SLC10A7: variants seen among roughly 807,000 people sequenced by gnomAD.
SLC10A7 encodes the protein solute carrier family 10 member 7.
Under a neutral mutation model 43.2 loss-of-function variants are expected in SLC10A7, and 29 were observed. That is an observed-to-expected ratio of 0.67 (90% CI 0.50 to 0.92). The LOEUF (loss-of-function observed/expected upper bound fraction) is 0.92. SLC10A7 is among the 40% of genes least tolerant of loss of function. SLC10A7 has a pLI of 0.00. For missense variants in SLC10A7, 295 were observed against 403.2 expected (o/e 0.73, Z 2.30); for synonymous variants, 152 against 144.8 (o/e 1.05, Z -0.35).
chr4:146,336,000 A>T (rs1733871403), intron 5 of SLC10A7, among the ~76,000 whole-genome samples: 1 of 152,082 alleles, frequency 6.6e-6, no homozygotes, highest in Non-Finnish European at 1.5e-5. Context: ...CAGAACTACT[A>T]TGTCATAATC....
rs1364451340 is a variant in SLC10A7 at position 146,517,025 on chromosome 4, T to G, written c.183+13A>C. 1 of 1,572,832 alleles carries G rather than the reference T, an allele frequency of 6.4e-7. No individual in the cohort carries two copies. Among genetic ancestry groups the G allele is most frequent in the African/African-American group, 1.4e-5 (1 of 73,604 alleles). ...TTCTCCCTGCTTTTCATGTGTCCCA[T>G]AGATGACAGTACCTCTGTTTTCAAT... On this transcript the variant is annotated intron_variant, in intron 2 of 11. Transcript: ENST00000335472.
intron 5 of SLC10A7, among the ~76,000 whole-genome samples, chr4:146,342,547 T>C (rs963498347): frequency 2.0e-5 from 3 of 151,720 alleles, no homozygotes; most frequent in African/African-American, 4.8e-5. Context: ...GAATTAGAAA[T>C]ACTAGTGAAT....
chr4:146,266,746 A>T (rs1318041336), intron 10 of SLC10A7, among the ~76,000 whole-genome samples: 3 of 152,186 alleles, frequency 2.0e-5, no homozygotes, highest in African/African-American at 7.2e-5. Context: ...GTAGCAGTTA[A>T]GAAGCTTGGC....
chr4:146,355,213 CA>C (rs1560828606), intron 5 of SLC10A7, among the ~76,000 whole-genome samples: 1 of 151,898 alleles, frequency 6.6e-6, no homozygotes, highest in Admixed American at 6.6e-5. Context: ...TCAACCCCAT[CA>C]AAAAGTGGGC....
chr4:146,311,261 C>T (rs1298428747), intron 6 of SLC10A7, among the ~76,000 whole-genome samples: 1 of 152,120 alleles, frequency 6.6e-6, no homozygotes, highest in African/African-American at 2.4e-5. Context: ...ATGGGGCAAA[C>T]TAACCAGGCT....
In SLC10A7 at chr4:146,478,742, T is replaced by G. The variant is rs919512128; in HGVS notation, c.396+25107A>C. ...GGATTTTTGAAAGATTCATAGCTAC[T>G]AATCTACTAAAAAGGTTTTATTAAA... On this transcript the variant is annotated intron_variant, in intron 4 of 11. Coordinates refer to ENST00000335472, the MANE Select transcript of SLC10A7 (RefSeq NM_001029998.6). Among the ~76,000 whole-genome samples, 5 of 152,170 alleles carry G rather than the reference T, an allele frequency of 3.3e-5. No homozygotes were observed. The East Asian group carries it at 9.6e-4, about 29-fold the overall frequency.
intron 7 of SLC10A7, among the ~76,000 whole-genome samples, chr4:146,304,221 G>C (rs777598376): frequency 1.3e-5 from 2 of 150,294 alleles, no homozygotes; most frequent in Non-Finnish European, 3.0e-5. Context: ...AGAGATAATA[G>C]GATTAAATTG....
At chr4:146,326,917 G>GACACAC (rs71640636) in intron 5 of SLC10A7, among the ~76,000 whole-genome samples, 99 of 147,508 alleles carry the variant, frequency 6.7e-4, no homozygotes, top group Non-Finnish European at 1.2e-3. Context: ...GAGAGGGACA[G>GACACAC]ACACACACAC....
At chr4:146,332,635 C>T (rs1174995358) in intron 5 of SLC10A7, among the ~76,000 whole-genome samples, 4 of 152,128 alleles carry the variant, frequency 2.6e-5, no homozygotes, top group Admixed American at 6.6e-5. Flanking sequence ...AAGCAGAGGC[C>T]ATTATGCTTC....
chr4:146,438,849 T>C (rs1730394469), intron 5 of SLC10A7, among the ~76,000 whole-genome samples: 1 of 152,036 alleles, frequency 6.6e-6, no homozygotes, highest in Non-Finnish European at 1.5e-5. Context: ...TCCCAAAAGA[T>C]GTCAGTATCT....
intron 5 of SLC10A7, among the ~76,000 whole-genome samples, chr4:146,384,242 G>C (rs947888882): frequency 7.9e-5 from 12 of 151,870 alleles, no homozygotes; most frequent in Non-Finnish European, 1.8e-4. Context: ...ATGAAACTTG[G>C]TAACTCTTAA....
intron 6 of SLC10A7, among the ~76,000 whole-genome samples, chr4:146,310,967 G>T (rs1731936635): frequency 6.9e-6 from 1 of 145,852 alleles, no homozygotes; most frequent in African/African-American, 2.5e-5. Flanking sequence ...AGGATGGGGG[G>T]AGGGGGATGA....
intron 4 of SLC10A7, among the ~76,000 whole-genome samples, chr4:146,495,544 T>C (rs927664632): frequency 6.6e-6 from 1 of 152,192 alleles, no homozygotes; most frequent in Non-Finnish European, 1.5e-5. Flanking sequence ...ATCTTGATCT[T>C]TCACCTCTAG....
At chr4:146,436,489 G>A (rs1240495495) in intron 5 of SLC10A7, among the ~76,000 whole-genome samples, 4 of 152,004 alleles carry the variant, frequency 2.6e-5, no homozygotes, top group African/African-American at 7.2e-5. Context: ...ACACAAACAT[G>A]TTCAGGTTGC....
intron 5 of SLC10A7, among the ~76,000 whole-genome samples, chr4:146,410,549 T>C (rs1394414891): frequency 6.6e-6 from 1 of 152,158 alleles, no homozygotes; most frequent in African/African-American, 2.4e-5. Context: ...GGTATTATTA[T>C]TATCCTCATT....
At position 146,307,050 on chromosome 4, in the gene SLC10A7, T is replaced by G. The variant is rs76323264; in HGVS notation, c.472-1041A>C. On this transcript the variant is annotated intron_variant, in intron 6 of 11. Coordinates refer to ENST00000335472, the MANE Select transcript of SLC10A7 (RefSeq NM_001029998.6). Reference sequence around the variant, plus strand: ...ATGTCAAACAAAACAGATCAAACATTTAGCTACATGAAGTCAATAGCTCTG... The same window carrying G: ...ATGTCAAACAAAACAGATCAAACATGTAGCTACATGAAGTCAATAGCTCTG... Among the ~76,000 whole-genome samples, 174 of 152,256 alleles carry G rather than the reference T, an allele frequency of 1.1e-3. 1 individual carries two copies. In the East Asian group the frequency reaches 0.02, roughly 17 times the overall value.
At chr4:146,426,253 C>A (rs1042442796) in intron 5 of SLC10A7, among the ~76,000 whole-genome samples, 3 of 152,172 alleles carry the variant, frequency 2.0e-5, no homozygotes, top group African/African-American at 7.2e-5. Context: ...AGAAACGGTT[C>A]AGCGAGCGAC....
rs150376045 is a variant in SLC10A7 at position 146,325,823 on chromosome 4, C to T, written c.471+138G>A. 1,720 of 750,696 alleles carry T rather than the reference C, an allele frequency of 2.3e-3. 9 individuals are homozygous for T. The highest frequency in any genetic ancestry group is 5.4e-3 in the Middle Eastern group (14 of 2,604). The allele number at this position is 750,696 out of a possible 1,614,324, so 46.5% of individuals were successfully genotyped here. On this transcript the variant is annotated intron_variant, in intron 6 of 11. Transcript: ENST00000335472. The stretch of plus-strand genomic sequence containing the variant: ...TTCTTCGTATCTGAATATTATTATG[C>T]GGTACAGCTAAACTGGAACAACAAT...
At chr4:146,354,299 C>G (rs930630188) in intron 5 of SLC10A7, among the ~76,000 whole-genome samples, 12 of 151,992 alleles carry the variant, frequency 7.9e-5, no homozygotes, top group Middle Eastern at 3.4e-3. Flanking sequence ...TTGCTTCAAA[C>G]AGAATAAAAT....
Sources: allele counts gnomAD v4.1 joint callset (sites outside exome capture counted in the v4.1 genomes callset), GRCh38; gene constraint gnomAD v4.1.1; transcripts MANE v1.5; gene names NCBI Gene and HGNC (gene_info 2026-07-23, HGNC 2026-07-21).